MIPOL1: variants seen among roughly 807,000 people sequenced by gnomAD.
MIPOL1 encodes the protein mirror-image polydactyly gene 1 protein.
MIPOL1 carries 57 observed loss-of-function variants against 60.9 expected under a neutral mutation model. The observed-to-expected ratio is 0.94, with a 90% CI of 0.76 to 1.17. MIPOL1 has a LOEUF of 1.17. Among genes scored for constraint, MIPOL1 ranks in the 50% most tolerant of loss-of-function variants. The probability of loss-of-function intolerance (pLI) is 0.00; values close to 1 mark genes in which losing one functional copy is unlikely to be tolerated. For synonymous variants in MIPOL1, 179 were observed against 168.8 expected (o/e 1.06, Z -0.47); for missense variants, 551 against 511.6 (o/e 1.08, Z -0.74).
intron 12 of MIPOL1, chr14:37,504,051 G>A (rs1339008813): frequency 6.6e-6 from 1 of 152,140 alleles, no homozygotes; most frequent in Non-Finnish European, 1.5e-5. Flanking sequence ...AACAAGAAGA[G>A]CTAACTATCC....
At chr14:37,256,819 A>G (rs1594766391) in intron 3 of MIPOL1, among the ~76,000 whole-genome samples, 1 of 151,986 alleles carries the variant, frequency 6.6e-6, no homozygotes, top group Non-Finnish European at 1.5e-5. Flanking sequence ...TTGACCCTTT[A>G]TTATTTTTTT....
intron 11 of MIPOL1, among the ~76,000 whole-genome samples, chr14:37,429,408 A>G (rs1291245644): frequency 3.3e-5 from 5 of 152,128 alleles, no homozygotes; most frequent in Admixed American, 1.3e-4. Context: ...TTTTTATTAT[A>G]TTTTGTGTGA....
chr14:37,379,504 T>C (rs1259382744), intron 10 of MIPOL1, among the ~76,000 whole-genome samples: 1 of 152,080 alleles, frequency 6.6e-6, no homozygotes, highest in African/African-American at 2.4e-5. Flanking sequence ...TTTTAAAGTA[T>C]ACCATCAAAA....
intron 11 of MIPOL1, among the ~76,000 whole-genome samples, chr14:37,482,707 G>C (rs1024743796): frequency 6.6e-6 from 1 of 152,064 alleles, no homozygotes; most frequent in African/African-American, 2.4e-5. Context: ...TTCCTCCCTC[G>C]ACACCTGAAT....
chr14:37,216,755 A>G (rs1235971092), intron 1 of MIPOL1, among the ~76,000 whole-genome samples: 2 of 152,330 alleles, frequency 1.3e-5, no homozygotes, highest in African/African-American at 2.4e-5. Flanking sequence ...GAAACACAAC[A>G]TAACAAAACC....
intron 12 of MIPOL1, among the ~76,000 whole-genome samples, chr14:37,536,300 G>C (rs1017314327): frequency 6.6e-6 from 1 of 152,058 alleles, no homozygotes; most frequent in Admixed American, 6.6e-5. Flanking sequence ...GACGTGTAAG[G>C]GGCAATCTTA....
At chr14:37,330,726 C>A (rs201243990) in intron 9 of MIPOL1, among the ~76,000 whole-genome samples, 1 of 28,906 alleles carries the variant, frequency 3.5e-5, no homozygotes, top group Non-Finnish European at 7.7e-5. Flanking sequence ...TTTTTTTTTG[C>A]AACCTGTTTA....
intron 3 of MIPOL1, among the ~76,000 whole-genome samples, chr14:37,248,762 A>G (rs1183790580): frequency 6.6e-6 from 1 of 152,140 alleles, no homozygotes; most frequent in Admixed American, 6.6e-5. Context: ...AGACATGTAT[A>G]TATGCAGACA....
At chr14:37,531,625 G>A (rs965467290) in intron 12 of MIPOL1, among the ~76,000 whole-genome samples, 2 of 152,088 alleles carry the variant, frequency 1.3e-5, no homozygotes. Context: ...AGATAACTGC[G>A]TGTCACCCAA....
intron 1 of MIPOL1, among the ~76,000 whole-genome samples, chr14:37,217,027 CAGACTA>C (rs1967842496): frequency 6.6e-6 from 1 of 151,816 alleles, no homozygotes; most frequent in Admixed American, 6.6e-5. Flanking sequence ...AAACTTTAGT[CAGACTA>C]AGAAAAAAGA....
At chr14:37,336,312 A>T (rs2090112110) in intron 9 of MIPOL1, among the ~76,000 whole-genome samples, 1 of 150,848 alleles carries the variant, frequency 6.6e-6, no homozygotes, top group Non-Finnish European at 1.5e-5. Flanking sequence ...TTTAATTACT[A>T]TAGCTTCGTA....
chr14:37,274,268 A>G (rs1391436787), intron 6 of MIPOL1, among the ~76,000 whole-genome samples: 1 of 151,324 alleles, frequency 6.6e-6, no homozygotes, highest in Non-Finnish European at 1.5e-5. Flanking sequence ...TTGTTTCCCC[A>G]CTGGTTTTTT....
chr14:37,257,095 T>TGTGTGTG (rs138371471), intron 3 of MIPOL1, among the ~76,000 whole-genome samples: 4 of 137,708 alleles, frequency 2.9e-5, no homozygotes, highest in Non-Finnish European at 4.7e-5. Context: ...TGGTTTTGTT[T>TGTGTGTG]TGTGTGTGTG....
chr14:37,517,888 A>T (rs1362799325), intron 12 of MIPOL1, among the ~76,000 whole-genome samples: 1 of 152,176 alleles, frequency 6.6e-6, no homozygotes, highest in Non-Finnish European at 1.5e-5. Context: ...CAAGGATGGG[A>T]GTGCAACTTT....
At chr14:37,305,500 C>T (rs984247498) in intron 7 of MIPOL1, among the ~76,000 whole-genome samples, 4 of 151,708 alleles carry the variant, frequency 2.6e-5, no homozygotes, top group African/African-American at 9.7e-5. Flanking sequence ...ATAAGAGAGC[C>T]TATGGTAAAG....
chr14:37,325,783 C>T (rs1187173233), intron 9 of MIPOL1, among the ~76,000 whole-genome samples: 1 of 152,118 alleles, frequency 6.6e-6, no homozygotes, highest in Admixed American at 6.6e-5. Flanking sequence ...TTCCTCCTTA[C>T]CCCCATTGGA....
intron 3 of MIPOL1, among the ~76,000 whole-genome samples, chr14:37,255,236 C>T (rs893171396): frequency 6.6e-6 from 1 of 151,558 alleles, no homozygotes; most frequent in South Asian, 2.1e-4. Flanking sequence ...ACTGTGTGGC[C>T]TCCGTAGTAT....
At chr14:37,401,713 A>G (rs2093485128) in intron 10 of MIPOL1, 1 of 152,148 alleles carries the variant, frequency 6.6e-6, no homozygotes, top group Non-Finnish European at 1.5e-5. Context: ...AAGAAGTATT[A>G]TAGCTAAAGG....
rs1265850067 is a variant in MIPOL1, at chr14:37,308,350, C to CA, written c.660dup (p.Leu221IlefsTer27). The stretch of plus-strand genomic sequence containing the variant: ...ACTAACATATAATGGTGTTGGTAGA[C>CA]ATTACAGGAATTACTGAACAGAATA... On this transcript the variant is annotated frameshift_variant and splice_region_variant, in exon 9 of 13. Coordinates refer to ENST00000684589, the MANE Select transcript of MIPOL1 (RefSeq NM_001388067.1). LOFTEE classifies it high-confidence loss of function. The CA allele has an allele frequency of 1.3e-6, 2 of 1,541,658 alleles. No homozygotes were observed. The highest frequency in any genetic ancestry group is 1.7e-6 in the Non-Finnish European group (2 of 1,151,348).
Sources: allele counts gnomAD v4.1 joint callset (sites outside exome capture counted in the v4.1 genomes callset), GRCh38; gene constraint gnomAD v4.1.1; transcripts MANE v1.5; gene names NCBI Gene and HGNC (gene_info 2026-07-23, HGNC 2026-07-21).